Variants in INVS observed in about 807,000 individuals in gnomAD.
INVS encodes inversion of embryo turning homolog.
Under a neutral mutation model 108.8 loss-of-function variants are expected in INVS, and 86 were observed. The ratio of observed to expected loss-of-function variants is 0.79; its 90% CI spans 0.66 to 0.95. The LOEUF (loss-of-function observed/expected upper bound fraction) is 0.95. Ranked by LOEUF, INVS falls within the 40% of genes least tolerant of loss-of-function variation. The pLI, the probability that INVS is intolerant of heterozygous loss-of-function variation, is 0.00. For synonymous variants in INVS, 455 were observed against 473.5 expected, an observed-to-expected ratio of 0.96 and a Z score of 0.51; for missense variants, 1,169 against 1,297.4, an observed-to-expected ratio of 0.90 and a Z score of 1.52.
chr9:100,181,176 T>C (rs1204783646), intron 3 of INVS, among the ~76,000 whole-genome samples: 1 of 152,186 alleles, frequency 6.6e-6, no homozygotes, highest in East Asian at 1.9e-4. Context: ...AATGTCATAC[T>C]GAATGGGCAA....
intron 3 of INVS, among the ~76,000 whole-genome samples, chr9:100,186,022 T>A (rs1352397125): frequency 6.6e-6 from 1 of 152,222 alleles, no homozygotes; most frequent in African/African-American, 2.4e-5. Flanking sequence ...CATGCAGATG[T>A]CTTTTTAATG....
intron 3 of INVS, among the ~76,000 whole-genome samples, chr9:100,207,484 G>C (rs1331797692): frequency 1.3e-5 from 2 of 151,820 alleles, no homozygotes; most frequent in East Asian, 3.9e-4. Flanking sequence ...GTAGAGATGG[G>C]GTTTCGTCGT....
intron 3 of INVS, among the ~76,000 whole-genome samples, chr9:100,181,298 G>T (rs917009714): frequency 7.9e-5 from 12 of 152,140 alleles, no homozygotes; most frequent in African/African-American, 2.4e-4. Flanking sequence ...GAAATAAAGG[G>T]TATTCAAATA....
chr9:100,298,147 T>C, intron 16 of INVS, 137 bp downstream of exon 16: 1 of 1,550,304 alleles, frequency 6.5e-7, no homozygotes, highest in Non-Finnish European at 8.7e-7. Flanking sequence ...CATGGGATTA[T>C]TACTGTAGCC....
At chr9:100,182,307 C>T (rs565771645) in intron 3 of INVS, among the ~76,000 whole-genome samples, 2 of 152,240 alleles carry the variant, frequency 1.3e-5, no homozygotes, top group Non-Finnish European at 2.9e-5. Context: ...GCAAAAGACA[C>T]TATCAGCAGA....
intron 8 of INVS, among the ~76,000 whole-genome samples, chr9:100,247,695 C>T (rs1419797661): frequency 1.3e-5 from 2 of 151,806 alleles, no homozygotes; most frequent in Admixed American, 6.6e-5. Context: ...CTCCCTATAC[C>T]GAGACAACCA....
At chr9:100,159,859 A>G (rs1483002367) in intron 3 of INVS, among the ~76,000 whole-genome samples, 2 of 152,152 alleles carry the variant, frequency 1.3e-5, no homozygotes, top group East Asian at 1.9e-4. Context: ...GACTCTGATG[A>G]TTCTGCTGTT....
chr9:100,222,921 A>C (rs1588100402), intron 3 of INVS, among the ~76,000 whole-genome samples: 1 of 152,114 alleles, frequency 6.6e-6, no homozygotes, highest in East Asian at 1.9e-4. Context: ...AACTGACATC[A>C]AATGAAATGA....
intron 3 of INVS, among the ~76,000 whole-genome samples, chr9:100,154,121 G>C (rs141462317): frequency 2.4e-4 from 36 of 152,132 alleles, no homozygotes; most frequent in African/African-American, 4.1e-4. Context: ...TTTAATTGCA[G>C]CATTATTTGT....
intron 3 of INVS, among the ~76,000 whole-genome samples, chr9:100,174,950 A>C (rs1250701684): frequency 1.3e-5 from 2 of 152,032 alleles, no homozygotes; most frequent in Non-Finnish European, 2.9e-5. Context: ...ACCATAATCA[A>C]ATTGCTGAAA....
intron 3 of INVS, chr9:100,175,149 A>AT (rs1179819763): frequency 2.6e-5 from 10 of 379,944 alleles, no homozygotes; most frequent in Non-Finnish European, 5.0e-5. Flanking sequence ...CAGCTCTTAA[A>AT]TTTTTTCCTC....
At chr9:100,194,768 C>T (rs573617816) in intron 3 of INVS, among the ~76,000 whole-genome samples, 2 of 152,272 alleles carry the variant, frequency 1.3e-5, no homozygotes, top group South Asian at 2.1e-4. Flanking sequence ...GAAGCTACTA[C>T]CTCTGAGGCT....
chr9:100,297,902 C>G (rs759105060), intron 15 of INVS, 34 bp from the exon 16 acceptor site: 1 of 1,612,950 alleles, frequency 6.2e-7, no homozygotes, highest in South Asian at 1.1e-5. Flanking sequence ...GTATCCCTGG[C>G]CAAAGAAAAG....
At chr9:100,185,047 A>G (rs985250439) in intron 3 of INVS, among the ~76,000 whole-genome samples, 1 of 152,160 alleles carries the variant, frequency 6.6e-6, no homozygotes, top group Non-Finnish European at 1.5e-5. Flanking sequence ...ATGTTGGTGA[A>G]AAGCTACCAG....
chr9:100,220,652 G>A lies in INVS; in HGVS notation c.274-5410G>A, dbSNP rs558841393. Among the ~76,000 whole-genome samples, 366 of 152,048 alleles carry A rather than the reference G, an allele frequency of 2.4e-3. 3 individuals carry two copies. Among genetic ancestry groups the A allele is most frequent in the Admixed American group, 2.6e-3 (39 of 15,274 alleles). Reference sequence around the variant, plus strand: ...ATAAAAGCAGACCCTAAAACAAACCGTCCTCCAAACAGGATCAGTTTCTGT... The same window carrying A: ...ATAAAAGCAGACCCTAAAACAAACCATCCTCCAAACAGGATCAGTTTCTGT... On this transcript the variant is annotated intron_variant, in intron 3 of 16. Transcript: ENST00000262457.
intron 5 of INVS, among the ~76,000 whole-genome samples, chr9:100,232,048 AC>A (rs1831529955): frequency 1.3e-5 from 2 of 152,124 alleles, no homozygotes; most frequent in Admixed American, 1.3e-4. Flanking sequence ...CACCATTCTA[AC>A]TGGCATGAGA....
rs374381370 is a variant in INVS, at chr9:100,292,346, A to G, written c.2089A>G (p.Lys697Glu). The change falls in exon 14 of 17, where the codon AAA becomes GAA. Residue 697 changes from lysine (K) to glutamate (E), a missense_variant. This residue lies in a region of INVS where 533 missense variants were observed against 536.0 expected (regional missense o/e 0.99). Transcript: ENST00000262457. ...TCAAGAAACAGCCAGAGAACATTCT[A>G]AAGGCCAATCTGCTTGTGTCCACTT... ...RPNETAREHSKGQSACVHFRP... is the reference protein window; with the variant it reads ...RPNETAREHSEGQSACVHFRP... 11 of 1,614,126 alleles carry G rather than the reference A, an allele frequency of 6.8e-6. No homozygotes were observed. The African/African-American group carries it at 1.2e-4, about 18-fold the overall frequency.
intron 2 of INVS, among the ~76,000 whole-genome samples, chr9:100,119,339 A>G (rs1171829281): frequency 6.6e-6 from 1 of 152,206 alleles, no homozygotes; most frequent in East Asian, 1.9e-4. Context: ...TAATTTTTTA[A>G]TAAAGTACTA....
chr9:100,118,818 A>G (rs187024622), intron 2 of INVS, among the ~76,000 whole-genome samples: 294 of 151,996 alleles, frequency 1.9e-3, no homozygotes, highest in African/African-American at 6.8e-3. Flanking sequence ...CCACCACCAC[A>G]CCTGGCTAAT....
Sources: gnomAD v4.1 joint callset for allele counts (sites outside exome capture counted in the v4.1 genomes callset) on GRCh38, gnomAD v4.1.1 for gene constraint, gnomAD v4.1.1 regional missense constraint, MANE v1.5 for transcripts, NCBI Gene and HGNC (gene_info 2026-07-23, HGNC 2026-07-21) for gene names.